TACR1: variants seen among roughly 807,000 people sequenced by gnomAD.
TACR1 encodes the protein substance-P receptor.
A neutral mutation model predicts 35.8 loss-of-function variants in TACR1; 25 were observed. That is an observed-to-expected ratio of 0.70 (90% confidence interval 0.51 to 0.98). TACR1 has a LOEUF of 0.98. Among genes scored for constraint, TACR1 ranks in the 50% least tolerant of loss-of-function variants. The pLI, the probability that TACR1 is intolerant of heterozygous loss-of-function variation, is 0.00. For synonymous variants in TACR1, 195 were observed against 206.7 expected (o/e 0.94, Z 0.48); for missense variants, 478 against 522.9 (o/e 0.91, Z 0.84).
chr2:75,091,482 C>T (rs1258502730), intron 2 of TACR1, among the ~76,000 whole-genome samples: 1 of 152,094 alleles, frequency 6.6e-6, no homozygotes, highest in Non-Finnish European at 1.5e-5. Flanking sequence ...CAATCTTTTC[C>T]ATAATCCTAT....
intron 1 of TACR1, among the ~76,000 whole-genome samples, chr2:75,165,820 A>G (rs1675129592): frequency 6.6e-6 from 1 of 152,196 alleles, no homozygotes; most frequent in Non-Finnish European, 1.5e-5. Flanking sequence ...AGGCAGGAAG[A>G]CAGCCCACCT....
intron 1 of TACR1, among the ~76,000 whole-genome samples, chr2:75,191,092 C>T (rs1675833554): frequency 6.6e-6 from 1 of 152,180 alleles, no homozygotes; most frequent in Non-Finnish European, 1.5e-5. Flanking sequence ...ATCCAGAGAG[C>T]TTCATATTTC....
At chr2:75,132,549 T>C (rs1674199059) in intron 1 of TACR1, among the ~76,000 whole-genome samples, 1 of 152,222 alleles carries the variant, frequency 6.6e-6, no homozygotes, top group African/African-American at 2.4e-5. Context: ...ATAAACATAA[T>C]TTATATTTAG....
At position 75,199,339 on chromosome 2, in the gene TACR1, C is replaced by G. The variant is rs1676075242; in HGVS notation, c.-405G>C. The G allele has an allele frequency of 5.1e-6, 1 of 195,846 alleles. No individual in the cohort carries two copies. Among genetic ancestry groups the G allele is most frequent in the Non-Finnish European group, 1.1e-5 (1 of 93,064 alleles). 12.1% of individuals were successfully genotyped at this position (195,846 alleles called of 1,614,324 possible). A position where few individuals can be genotyped will look rare whatever the true frequency, so the allele number is the denominator to read the frequency against. On this transcript the variant is annotated 5_prime_UTR_variant, in exon 1 of 5. Coordinates refer to ENST00000305249, the MANE Select transcript of TACR1 (RefSeq NM_001058.4). ...TTCCTCCGCAGGGAAAGGCAAAGCC[C>G]TGTGCTGCGTGAGGACTTAGGAGCG...
At chr2:75,172,348 T>C (rs1675306649) in intron 1 of TACR1, among the ~76,000 whole-genome samples, 1 of 152,236 alleles carries the variant, frequency 6.6e-6, no homozygotes, top group African/African-American at 2.4e-5. Context: ...TTTGCTGAAC[T>C]GAGGTGGAAA....
intron 1 of TACR1, among the ~76,000 whole-genome samples, chr2:75,123,999 C>T (rs193032314): frequency 1.2e-3 from 189 of 152,290 alleles, no homozygotes; most frequent in Non-Finnish European, 2.2e-3. Context: ...ATTGACTGCA[C>T]CGTGCTCGTG....
intron 1 of TACR1, among the ~76,000 whole-genome samples, chr2:75,166,653 A>T (rs1675150077): frequency 6.6e-6 from 1 of 152,244 alleles, no homozygotes; most frequent in African/African-American, 2.4e-5. Flanking sequence ...AGAGAGCAAG[A>T]GTGAGAGAAT....
At chr2:75,055,790 C>G (rs529622956) in intron 2 of TACR1, among the ~76,000 whole-genome samples, 1 of 152,276 alleles carries the variant, frequency 6.6e-6, no homozygotes, top group Admixed American at 6.5e-5. Flanking sequence ...TGGAGGGCTT[C>G]GACAACCCCA....
intron 2 of TACR1, among the ~76,000 whole-genome samples, chr2:75,100,714 C>G (rs1408173247): frequency 6.6e-6 from 1 of 152,160 alleles, no homozygotes; most frequent in Non-Finnish European, 1.5e-5. Context: ...AGTAAGGGTT[C>G]ATAAATATTT....
intron 2 of TACR1, among the ~76,000 whole-genome samples, chr2:75,075,407 A>G (rs973876212): frequency 1.1e-4 from 16 of 152,196 alleles, no homozygotes; most frequent in Non-Finnish European, 1.3e-4. Flanking sequence ...ACTTTAAAAC[A>G]TATGTCGGAG....
At chr2:75,120,171 G>A (rs1193993995) in intron 2 of TACR1, among the ~76,000 whole-genome samples, 1 of 152,184 alleles carries the variant, frequency 6.6e-6, no homozygotes, top group Non-Finnish European at 1.5e-5. Context: ...ATTGTTGAGA[G>A]CTGCTGGGAG....
chr2:75,163,589 T>A (rs868519578), intron 1 of TACR1, among the ~76,000 whole-genome samples: 2 of 152,158 alleles, frequency 1.3e-5, no homozygotes, highest in Non-Finnish European at 2.9e-5. Context: ...AAAGTTGAAA[T>A]AGAAACAGTG....
At position 75,083,903 on chromosome 2, in the gene TACR1, T is replaced by C. The variant is rs528491588; in HGVS notation, c.585-30148A>G. 6.7e-4 allele frequency among the ~76,000 whole-genome samples: 102 copies of C among 152,234 alleles called. 1 individual carries two copies. The highest frequency in any genetic ancestry group is 2.3e-3 in the African/African-American group (96 of 41,536). On this transcript the variant is annotated intron_variant, in intron 2 of 4. Transcript: ENST00000305249. Reference sequence around the variant, plus strand: ...ACAATTTGACTTCCTCTTTTCCTAATTGAATACCCTTTATTTCTTTCTCCT... The same window carrying C: ...ACAATTTGACTTCCTCTTTTCCTAACTGAATACCCTTTATTTCTTTCTCCT...
rs186388937 is a variant in TACR1, at chr2:75,074,032, T to C, written c.585-20277A>G. On this transcript the variant is annotated intron_variant, in intron 2 of 4. Coordinates refer to ENST00000305249, the MANE Select transcript of TACR1 (RefSeq NM_001058.4). ...AAATCAAAAATGTATCTTGATATTA[T>C]ATAGTATGGTTATGCCTGAGATAAA... is the stretch of plus-strand genomic sequence containing the variant. Among the ~76,000 whole-genome samples, 9 of 152,348 alleles carry C rather than the reference T, an allele frequency of 5.9e-5. No homozygotes were observed. In the East Asian group the frequency reaches 1.7e-3, roughly 29 times the overall value.
At chr2:75,061,549 A>G (rs1274000631) in intron 2 of TACR1, among the ~76,000 whole-genome samples, 2 of 152,156 alleles carry the variant, frequency 1.3e-5, no homozygotes. Flanking sequence ...CACATCACCC[A>G]GTCTTCCCTG....
At chr2:75,155,140 G>A (rs1435667161) in intron 1 of TACR1, among the ~76,000 whole-genome samples, 1 of 151,998 alleles carries the variant, frequency 6.6e-6, no homozygotes, top group Non-Finnish European at 1.5e-5. Flanking sequence ...AAAACGTTGA[G>A]GGACTGTTCC....
intron 2 of TACR1, among the ~76,000 whole-genome samples, chr2:75,099,354 C>T (rs952886484): frequency 1.3e-5 from 2 of 152,174 alleles, no homozygotes; most frequent in African/African-American, 4.8e-5. Context: ...CCATGTCCAT[C>T]CTCCCAAGTC....
rs191242111 is a variant in TACR1 at position 75,098,717 on chromosome 2, T to C, written c.584+21857A>G. On this transcript the variant is annotated intron_variant, in intron 2 of 4. Transcript: ENST00000305249. ...GATTCTCATCCCCCAACTTCTGGGT[T>C]GGTCCCATTAGCTAACCCAGTCTCT... Among the ~76,000 whole-genome samples the C allele has an allele frequency of 2.8e-3, 419 of 152,260 alleles. 1 individual carries two copies. The highest frequency in any genetic ancestry group is 9.5e-3 in the African/African-American group (396 of 41,536).
At chr2:75,074,669 CCCTGAAGG>C (rs1316808974) in intron 2 of TACR1, among the ~76,000 whole-genome samples, 3 of 152,010 alleles carry the variant, frequency 2.0e-5, no homozygotes, top group African/African-American at 7.3e-5. Context: ...AAGGAATGGC[CCCTGAAGG>C]CAGGGATTTT....
Sources: allele counts gnomAD v4.1 joint callset (sites outside exome capture counted in the v4.1 genomes callset), GRCh38; gene constraint gnomAD v4.1.1; transcripts MANE v1.5; gene names NCBI Gene and HGNC (gene_info 2026-07-23, HGNC 2026-07-21).